Variants in RPRD2 observed in about 807,000 individuals in gnomAD.
The protein encoded by RPRD2 is regulation of nuclear pre-mRNA domain containing 2, also known as regulation of nuclear pre-mRNA domain-containing protein 2.
In RPRD2, 12 loss-of-function variants were observed where a neutral mutation model predicts 104.4. The observed-to-expected ratio is 0.11, with a 90% confidence interval of 0.07 to 0.19. The LOEUF (loss-of-function observed/expected upper bound fraction) is 0.19. Ranked by LOEUF, RPRD2 falls within the 10% of genes least tolerant of loss-of-function variation. RPRD2 has a pLI of 1.00. For synonymous variants in RPRD2, 714 were observed against 684.9 expected, an observed-to-expected ratio of 1.04 and a Z score of -0.66; for missense variants, 1,543 against 1,790.1, an observed-to-expected ratio of 0.86 and a Z score of 2.49.
At chr1:150,453,444 C>G (rs782413619) in intron 7 of RPRD2, among the ~76,000 whole-genome samples, 5 of 152,162 alleles carry the variant, frequency 3.3e-5, no homozygotes, top group Non-Finnish European at 7.3e-5. Flanking sequence ...CTTTGCAATG[C>G]CTCCCTCCCA....
chr1:150,368,205 G>GTTTTT (rs10572674), intron 1 of RPRD2, among the ~76,000 whole-genome samples: 1 of 112,742 alleles, frequency 8.9e-6, no homozygotes, highest in Non-Finnish European at 1.8e-5. Flanking sequence ...CTTATTTCTT[G>GTTTTT]TTTTTTTTTT....
At chr1:150,397,441 A>C (rs1553884417) in intron 1 of RPRD2, among the ~76,000 whole-genome samples, 1 of 152,030 alleles carries the variant, frequency 6.6e-6, no homozygotes, top group Non-Finnish European at 1.5e-5. Context: ...TAACATATAG[A>C]ACTTATATAA....
intron 1 of RPRD2, among the ~76,000 whole-genome samples, chr1:150,411,063 G>A (rs1055803345): frequency 6.6e-6 from 1 of 152,164 alleles, no homozygotes; most frequent in Non-Finnish European, 1.5e-5. Context: ...GTCTTATTGT[G>A]TTGCTCAGGC....
chr1:150,416,401 C>T (rs1664329421), intron 1 of RPRD2, among the ~76,000 whole-genome samples: 1 of 151,618 alleles, frequency 6.6e-6, no homozygotes, highest in South Asian at 2.1e-4. Flanking sequence ...TTAAAATGTA[C>T]AAAGGAGTGG....
chr1:150,367,158 G>A (rs1367194298), intron 1 of RPRD2, among the ~76,000 whole-genome samples: 2 of 152,108 alleles, frequency 1.3e-5, no homozygotes, highest in Admixed American at 6.6e-5. Flanking sequence ...CTAGTGGAAT[G>A]GAATTTAACT....
At chr1:150,470,308 T>C (rs976698319) in intron 10 of RPRD2, among the ~76,000 whole-genome samples, 38 of 152,160 alleles carry the variant, frequency 2.5e-4, no homozygotes, top group African/African-American at 9.2e-4. Flanking sequence ...CTGTTGCCTT[T>C]TATTGTGCCA....
intron 10 of RPRD2, among the ~76,000 whole-genome samples, chr1:150,466,805 C>T (rs12134131): frequency 6.7e-4 from 102 of 152,208 alleles, no homozygotes; most frequent in South Asian, 5.8e-3. Context: ...GCTCCAGATA[C>T]CAATGAAATC....
chr1:150,373,028 T>A (rs1660432573), intron 1 of RPRD2, among the ~76,000 whole-genome samples: 1 of 152,194 alleles, frequency 6.6e-6, no homozygotes, highest in African/African-American at 2.4e-5. Flanking sequence ...TTTCTTTTTT[T>A]TTTGAGACGG....
chr1:150,447,513 T>C (rs917619173), intron 7 of RPRD2, among the ~76,000 whole-genome samples: 1 of 151,556 alleles, frequency 6.6e-6, no homozygotes, highest in Non-Finnish European at 1.5e-5. Flanking sequence ...TTCATATTTT[T>C]AGTAGAGATG....
intron 9 of RPRD2, 146 bp from the exon 10 acceptor site, chr1:150,464,381 T>TTAA: frequency 5.9e-6 from 3 of 509,080 alleles, no homozygotes; most frequent in East Asian, 3.1e-5. Flanking sequence ...TTTTTTTTTG[T>TTAA]ACATGTCATG....
At chr1:150,425,824 G>A (rs1168647645) in intron 2 of RPRD2, among the ~76,000 whole-genome samples, 1 of 151,290 alleles carries the variant, frequency 6.6e-6, no homozygotes. Flanking sequence ...TAAAAAGTAA[G>A]AGAGGGCTGG....
chr1:150,451,536 G>A (rs1182178337), intron 7 of RPRD2, among the ~76,000 whole-genome samples: 2 of 152,014 alleles, frequency 1.3e-5, no homozygotes, highest in South Asian at 2.1e-4. Flanking sequence ...TTAGCCGGGC[G>A]CAGTGGCAGG....
intron 1 of RPRD2, among the ~76,000 whole-genome samples, chr1:150,395,931 G>A (rs142698768): frequency 0.016 from 2,458 of 152,274 alleles, 54 homozygotes; most frequent in African/African-American, 0.055. Context: ...GTTTTCCATA[G>A]TGGTTGTACT....
chr1:150,368,884 A>G (rs1660053681), intron 1 of RPRD2, among the ~76,000 whole-genome samples: 1 of 152,174 alleles, frequency 6.6e-6, no homozygotes. Flanking sequence ...TTGGAATTAC[A>G]GGCGTGAGCC....
rs1160491386 is a variant in RPRD2 at position 150,431,473 on chromosome 1, A to ATTT, written c.336-9428_336-9426dup. 5.7e-4 allele frequency among the ~76,000 whole-genome samples: 45 copies of ATTT among 78,830 alleles called. 2 individuals carry two copies. Among genetic ancestry groups the ATTT allele is most frequent in the African/African-American group, 1.5e-3 (33 of 22,318 alleles). 51.7% of individuals were successfully genotyped at this position (78,830 alleles called of 152,430 possible). ...TATTATTCAGTCTTAAAAAGGAAGGATTTTTTTTTTTTTTTTTTTTTTTTG... is the reference window on the plus strand; with the variant it reads ...TATTATTCAGTCTTAAAAAGGAAGGATTTTTTTTTTTTTTTTTTTTTTTTTTTG... On this transcript the variant is annotated intron_variant, in intron 2 of 10. Coordinates refer to ENST00000369068, the MANE Select transcript of RPRD2 (RefSeq NM_015203.5).
At chr1:150,368,250 T>A (rs971964656) in intron 1 of RPRD2, among the ~76,000 whole-genome samples, 5 of 149,092 alleles carry the variant, frequency 3.4e-5, no homozygotes, top group Admixed American at 1.3e-4. Context: ...TAGATTTTTT[T>A]AAATTACATG....
intron 7 of RPRD2, among the ~76,000 whole-genome samples, chr1:150,455,747 A>C (rs1486783567): frequency 1.3e-5 from 2 of 152,100 alleles, no homozygotes; most frequent in African/African-American, 4.8e-5. Context: ...TAATAGGAAA[A>C]ATTGGATATA....
chr1:150,428,010 A>G (rs1665278744), intron 2 of RPRD2, among the ~76,000 whole-genome samples: 1 of 152,146 alleles, frequency 6.6e-6, no homozygotes, highest in Admixed American at 6.5e-5. Context: ...ACTAATAAAA[A>G]TTTTTGAGTT....
At chr1:150,374,652 G>A (rs1428121145) in intron 1 of RPRD2, among the ~76,000 whole-genome samples, 1 of 152,192 alleles carries the variant, frequency 6.6e-6, no homozygotes, top group African/African-American at 2.4e-5. Context: ...CTTGCTTGGT[G>A]TGTGTGGGGA....
Sources: allele counts gnomAD v4.1 joint callset (sites outside exome capture counted in the v4.1 genomes callset), GRCh38; gene constraint gnomAD v4.1.1; transcripts MANE v1.5; gene names NCBI Gene and HGNC (gene_info 2026-07-23, HGNC 2026-07-21).